Variants in UPRT observed in about 807,000 individuals in gnomAD.
The protein encoded by UPRT is RP11-311P8.3.
UPRT carries 5 observed loss-of-function variants against 22.6 expected under a neutral mutation model. That is an observed-to-expected ratio of 0.22 (90% CI 0.12 to 0.47). UPRT has a LOEUF of 0.47. Among genes scored for constraint, UPRT ranks in the 20% least tolerant of loss-of-function variants. The pLI is 0.99. For synonymous variants in UPRT, 77 were observed against 87.7 expected (o/e 0.88, Z 0.68); for missense variants, 181 against 239.9 (o/e 0.75, Z 1.62).
chrX:75,163,599 A>G (rs959388202), intron 3 of UPRT, among the ~76,000 whole-genome samples: 1 of 111,902 alleles, frequency 8.9e-6, no homozygotes, highest in Non-Finnish European at 1.9e-5. Context: ...TCAAGTTGTA[A>G]ATGAAAATAT....
intron 4 of UPRT, among the ~76,000 whole-genome samples, chrX:75,228,271 A>T (rs979904977): frequency 8.9e-6 from 1 of 112,020 alleles, no homozygotes. Flanking sequence ...CAATGGATGC[A>T]GTCTGCACCT....
At chrX:75,276,878 A>C (rs1220283019) in intron 1 of UPRT, among the ~76,000 whole-genome samples, 15 of 110,590 alleles carry the variant, frequency 1.4e-4, no homozygotes, top group African/African-American at 4.9e-4. Context: ...TTAAACAGTC[A>C]CTCCCCATTT....
chrX:75,180,192 G>T (rs752870505), intron 4 of UPRT, among the ~76,000 whole-genome samples: 26 of 112,524 alleles, frequency 2.3e-4, no homozygotes, highest in African/African-American at 8.4e-4. Flanking sequence ...TTCAGTTGGA[G>T]GTTTCCTTCT....
intron 4 of UPRT, among the ~76,000 whole-genome samples, chrX:75,229,200 G>A (rs1442068258): frequency 8.9e-6 from 1 of 111,984 alleles, no homozygotes; most frequent in African/African-American, 3.2e-5. Context: ...ATGCAGTGAT[G>A]GATGTATTAA....
intron 1 of UPRT, 177 bp downstream of exon 1, chrX:75,274,817 TC>T (rs2082625386): frequency 4.1e-5 from 15 of 368,609 alleles, no homozygotes; most frequent in African/African-American, 1.7e-4. Flanking sequence ...TGTGTGTGTG[TC>T]GTGTAACTCG....
chrX:75,223,354 T>A (rs2082415370), intron 4 of UPRT, among the ~76,000 whole-genome samples: 1 of 110,810 alleles, frequency 9.0e-6, no homozygotes, highest in Non-Finnish European at 1.9e-5. Flanking sequence ...CTGGTTGGTG[T>A]CACACTAGGC....
chrX:75,268,564 T>A (rs1268153041), intron 4 of UPRT, among the ~76,000 whole-genome samples: 2 of 111,557 alleles, frequency 1.8e-5, no homozygotes, highest in African/African-American at 6.5e-5. Flanking sequence ...TCTGTCACGA[T>A]CAAGTTGGCT....
intron 4 of UPRT, among the ~76,000 whole-genome samples, chrX:75,216,572 A>T (rs2082393508): frequency 8.9e-6 from 1 of 111,995 alleles, no homozygotes. Context: ...TGTATTGCAC[A>T]GGAGTATTTT....
intron 3 of UPRT, among the ~76,000 whole-genome samples, chrX:75,164,694 G>A (rs2082208435): frequency 9.0e-6 from 1 of 111,230 alleles, no homozygotes; most frequent in African/African-American, 3.3e-5. Context: ...TTGTGGTGAT[G>A]GTTGCGAAAC....
intron 4 of UPRT, among the ~76,000 whole-genome samples, chrX:75,222,843 C>T (rs920947469): frequency 1.8e-5 from 2 of 110,441 alleles, no homozygotes; most frequent in Non-Finnish European, 3.8e-5. Context: ...TGTGGCTGAG[C>T]TGGTACCTAA....
intron 4 of UPRT, among the ~76,000 whole-genome samples, chrX:75,200,696 A>T (rs950622891): frequency 1.3e-4 from 15 of 111,699 alleles, no homozygotes; most frequent in Non-Finnish European, 2.8e-4. Context: ...TTATGCCTGT[A>T]ATCGCAGCAC....
intron 4 of UPRT, among the ~76,000 whole-genome samples, chrX:75,217,261 T>A (rs1377341851): frequency 9.0e-6 from 1 of 111,054 alleles, no homozygotes. Flanking sequence ...TTTGTTCTTT[T>A]GGTTTAGGAT....
chrX:75,244,806 CAACCATAA>C (rs1569272898), intron 4 of UPRT, among the ~76,000 whole-genome samples: 1 of 110,704 alleles, frequency 9.0e-6, no homozygotes, highest in Non-Finnish European at 1.9e-5. Context: ...GTAAAACCTA[CAACCATAA>C]AAAAAACCCT....
At chrX:75,205,452 C>T (rs1352500408) in intron 4 of UPRT, among the ~76,000 whole-genome samples, 1 of 105,898 alleles carries the variant, frequency 9.4e-6, no homozygotes, top group African/African-American at 3.5e-5. Flanking sequence ...TGTTATGGAC[C>T]AGGGCCTTCT....
chrX:75,188,525 C>T, intron 4 of UPRT, among the ~76,000 whole-genome samples: 1 of 112,857 alleles, frequency 8.9e-6, no homozygotes, highest in East Asian at 2.8e-4. Flanking sequence ...GGCAGGCAGG[C>T]CTCCTTGAGC....
intron 4 of UPRT, among the ~76,000 whole-genome samples, chrX:75,182,046 G>C (rs141219284): frequency 3.4e-4 from 38 of 112,012 alleles, no homozygotes; most frequent in African/African-American, 1.1e-3. Context: ...TTGAGGGTTT[G>C]TAACATGAAG....
At chrX:75,250,636 G>C (rs887241544) in intron 4 of UPRT, among the ~76,000 whole-genome samples, 3 of 111,047 alleles carry the variant, frequency 2.7e-5, no homozygotes, top group Non-Finnish European at 5.7e-5. Context: ...AGAGGTACAA[G>C]GAGGAGCTGG....
intron 4 of UPRT, among the ~76,000 whole-genome samples, chrX:75,264,128 T>C (rs1308520646): frequency 8.9e-6 from 1 of 111,737 alleles, no homozygotes; most frequent in African/African-American, 3.3e-5. Context: ...GAGGAGTGCT[T>C]TACTTCCAAC....
At chrX:75,264,722 T>A (rs769199461) in intron 4 of UPRT, among the ~76,000 whole-genome samples, 1 of 111,896 alleles carries the variant, frequency 8.9e-6, no homozygotes, top group South Asian at 3.7e-4. Flanking sequence ...GTGAATTTGA[T>A]CCTGTCATTA....
Sources: allele counts gnomAD v4.1 joint callset (sites outside exome capture counted in the v4.1 genomes callset), GRCh38; gene constraint gnomAD v4.1.1; transcripts MANE v1.5; gene names NCBI Gene and HGNC (gene_info 2026-07-23, HGNC 2026-07-21).